Variants in MTA3 observed in about 807,000 individuals in gnomAD.
MTA3 encodes the protein metastasis associated 1 family member 3.
MTA3 carries 34 observed loss-of-function variants against 83.5 expected under a neutral mutation model. The ratio of observed to expected loss-of-function variants is 0.41; its 90% CI spans 0.31 to 0.54. MTA3 has a LOEUF of 0.54. MTA3 is among the 20% of genes least tolerant of loss of function. MTA3 has a pLI of 0.33. For synonymous variants in MTA3, 303 were observed against 252.7 expected (o/e 1.20, Z -1.89); for missense variants, 761 against 726.4 (o/e 1.05, Z -0.55).
intron 2 of MTA3, among the ~76,000 whole-genome samples, chr2:42,526,674 C>G (rs1675722831): frequency 6.6e-6 from 1 of 152,076 alleles, no homozygotes; most frequent in Non-Finnish European, 1.5e-5. Flanking sequence ...AGGCACCGTT[C>G]TAGTATCTGA....
At chr2:42,693,721 A>C (rs1204210581) in intron 9 of MTA3, among the ~76,000 whole-genome samples, 4 of 152,226 alleles carry the variant, frequency 2.6e-5, no homozygotes, top group African/African-American at 9.6e-5. Context: ...GGGGACCCCA[A>C]AAGCCTGCTT....
chr2:42,611,862 T>A (rs1211490412), intron 4 of MTA3, among the ~76,000 whole-genome samples: 1 of 152,060 alleles, frequency 6.6e-6, no homozygotes, highest in African/African-American at 2.4e-5. Context: ...GATAGAGAGA[T>A]ATGGAGCTGG....
chr2:42,584,565 G>T (rs1680046709), intron 3 of MTA3, among the ~76,000 whole-genome samples: 3 of 150,968 alleles, frequency 2.0e-5, no homozygotes, highest in Non-Finnish European at 2.9e-5. Context: ...TTTTGGGATG[G>T]AGTCTAGCTC....
chr2:42,640,657 A>G (rs903121758), intron 5 of MTA3, among the ~76,000 whole-genome samples: 15 of 152,156 alleles, frequency 9.9e-5, no homozygotes, highest in African/African-American at 3.6e-4. Flanking sequence ...AATCCTAATA[A>G]ATTTTGTCAG....
chr2:42,662,436 G>A (rs1689809665), intron 8 of MTA3, among the ~76,000 whole-genome samples: 1 of 151,520 alleles, frequency 6.6e-6, no homozygotes, highest in Non-Finnish European at 1.5e-5. Context: ...TGTGAATAGA[G>A]TGAGGTAGGG....
exon 1 of MTA3, chr2:42,494,995 G>A (rs1431588413): frequency 1.3e-5 from 2 of 152,492 alleles, no homozygotes; most frequent in Non-Finnish European, 2.9e-5. Flanking sequence ...CAGCCCGCCG[G>A]AGGCGAGACA....
chr2:42,634,899 A>T (rs906689940), intron 4 of MTA3, among the ~76,000 whole-genome samples: 10 of 152,134 alleles, frequency 6.6e-5, no homozygotes, highest in Admixed American at 3.9e-4. Context: ...ACTTTTATTT[A>T]ACTTAGTAAA....
At chr2:42,578,660 A>G (rs1480104420) in intron 2 of MTA3, among the ~76,000 whole-genome samples, 2 of 152,200 alleles carry the variant, frequency 1.3e-5, no homozygotes, top group African/African-American at 4.8e-5. Flanking sequence ...ACACTTAGCT[A>G]GTGCTTTCTG....
chr2:42,623,676 G>A (rs1685795293), intron 4 of MTA3, among the ~76,000 whole-genome samples: 2 of 148,534 alleles, frequency 1.3e-5, no homozygotes, highest in Admixed American at 6.7e-5. Context: ...TGCCCCTTGA[G>A]TTTTCATCTT....
At chr2:42,594,785 G>C (rs1681559383) in intron 3 of MTA3, among the ~76,000 whole-genome samples, 1 of 129,184 alleles carries the variant, frequency 7.7e-6, no homozygotes, top group Non-Finnish European at 1.6e-5. Context: ...GGAGTCCAGT[G>C]GCGCGATCTC....
intron 16 of MTA3, among the ~76,000 whole-genome samples, chr2:42,747,638 T>C (rs1669541175): frequency 6.6e-6 from 1 of 151,500 alleles, no homozygotes; most frequent in African/African-American, 2.4e-5. Flanking sequence ...CTTGTTACAC[T>C]GTTGGGGCAC....
chr2:42,701,744 C>T (rs540830990), intron 11 of MTA3, among the ~76,000 whole-genome samples: 24 of 151,152 alleles, frequency 1.6e-4, no homozygotes, highest in African/African-American at 5.3e-4. Flanking sequence ...GGTGAAACCC[C>T]GTCTCTACTA....
At chr2:42,703,452 T>C (rs1047203128) in intron 11 of MTA3, 1 of 152,116 alleles carries the variant, frequency 6.6e-6, no homozygotes, top group Non-Finnish European at 1.5e-5. Flanking sequence ...AGAGCTGGAG[T>C]GCAGTAGCCA....
chr2:42,663,294 G>T (rs1164565555), intron 8 of MTA3, among the ~76,000 whole-genome samples: 1 of 152,196 alleles, frequency 6.6e-6, no homozygotes, highest in Non-Finnish European at 1.5e-5. Flanking sequence ...TGGGCTCTTG[G>T]TTCACAGCTG....
At chr2:42,562,597 A>G (rs1677717812) in intron 2 of MTA3, among the ~76,000 whole-genome samples, 1 of 152,002 alleles carries the variant, frequency 6.6e-6, no homozygotes, top group African/African-American at 2.4e-5. Flanking sequence ...CTCTGCCCAC[A>G]CTCTGCCTAT....
chr2:42,732,821 A>G (rs943869903), intron 16 of MTA3, among the ~76,000 whole-genome samples: 16 of 152,246 alleles, frequency 1.1e-4, no homozygotes, highest in African/African-American at 3.4e-4. Context: ...AAGTTCCACA[A>G]ATCTCTAGGG....
In MTA3 at chr2:42,605,822, C is replaced by T. The variant is rs1443039460; in HGVS notation, c.191-3636C>T. The stretch of plus-strand genomic sequence containing the variant: ...GGCGCCCCTCAGCTCCCAGACGGGG[C>T]GGCTGGCCGGGTGGAGGGCTGACCC... On this transcript the variant is annotated intron_variant, in intron 3 of 16. Coordinates refer to ENST00000405094, the MANE Select transcript of MTA3 (RefSeq NM_001330442.2). 5.3e-5 allele frequency among the ~76,000 whole-genome samples: 7 copies of T among 131,898 alleles called. 1 individual carries two copies. Among genetic ancestry groups the T allele is most frequent in the African/African-American group, 2.0e-4 (7 of 34,466 alleles). 86.5% of individuals were successfully genotyped at this position (131,898 alleles called of 152,430 possible). A position where few individuals can be genotyped will look rare whatever the true frequency, so the allele number is the denominator to read the frequency against.
At chr2:42,710,946 G>A (rs1290920028) in intron 14 of MTA3, among the ~76,000 whole-genome samples, 2 of 152,066 alleles carry the variant, frequency 1.3e-5, no homozygotes, top group Non-Finnish European at 2.9e-5. Context: ...AGGCATGGTG[G>A]CACACGCCTG....
chr2:42,516,001 C>T (rs906037118), intron 2 of MTA3, among the ~76,000 whole-genome samples: 3 of 151,624 alleles, frequency 2.0e-5, no homozygotes, highest in Non-Finnish European at 2.9e-5. Flanking sequence ...CCACCATGCC[C>T]GGCTAATTTT....
Sources: gnomAD v4.1 joint callset for allele counts (sites outside exome capture counted in the v4.1 genomes callset) on GRCh38, gnomAD v4.1.1 for gene constraint, MANE v1.5 for transcripts, NCBI Gene and HGNC (gene_info 2026-07-23, HGNC 2026-07-21) for gene names.